ZNF697: variants seen among roughly 807,000 people sequenced by gnomAD.
ZNF697 encodes zinc finger protein 697.
In ZNF697, 23 loss-of-function variants were observed where a neutral mutation model predicts 32.4. The ratio of observed to expected loss-of-function variants is 0.71; its 90% CI spans 0.51 to 1.01. ZNF697 has a LOEUF of 1.01. Ranked by LOEUF, ZNF697 falls within the 50% of genes least tolerant of loss-of-function variation. The pLI, the probability that ZNF697 is intolerant of heterozygous loss-of-function variation, is 0.00. For missense variants in ZNF697, 930 were observed against 794.0 expected (o/e 1.17, Z -2.06); for synonymous variants, 418 against 337.2 (o/e 1.24, Z -2.62).
At chr1:119,647,015 T>C (rs587771894) in intron 1 of ZNF697, among the ~76,000 whole-genome samples, 2 of 137,744 alleles carry the variant, frequency 1.5e-5, no homozygotes, top group African/African-American at 5.4e-5. Flanking sequence ...CAGGGATACA[T>C]CACCAACTTC....
Position 119,623,576 on chromosome 1 carries a change from G to A in ZNF697, c.767C>T (p.Pro256Leu), listed in dbSNP as rs1265558689. Residue 256 changes from proline (P) to leucine (L), a missense_variant, in exon 3 of 3, where the codon CCG (proline) becomes CTG (leucine). Pro to Leu is a moderately conservative substitution (Grantham distance 98). Transcript: ENST00000421812. ...CCCGCAGCGGAAGGGCTTTTCGCGC[G>A]GGGGCCGGGCCAGCGGGGGCCCGGC... is the stretch of plus-strand genomic sequence containing the variant. Reference protein sequence around the residue: ...FGAGPPLARPPREKPFRCGEC... With the variant: ...FGAGPPLARPLREKPFRCGEC... 13 of 1,475,834 alleles carry A rather than the reference G, an allele frequency of 8.8e-6. No individual in the cohort carries two copies. The highest frequency in any genetic ancestry group is 1.1e-5 in the Non-Finnish European group (12 of 1,120,224). 91.4% of individuals were successfully genotyped at this position (1,475,834 alleles called of 1,614,324 possible). A position where few individuals can be genotyped will look rare whatever the true frequency, so the allele number is the denominator to read the frequency against.
chr1:119,646,322 A>AACACACACACACACACAC lies in ZNF697; in HGVS notation c.-38+1351_-38+1368dup, dbSNP rs61339576. 1.0e-3 allele frequency among the ~76,000 whole-genome samples: 140 copies of AACACACACACACACACAC among 136,912 alleles called. 1 individual carries two copies. Among genetic ancestry groups the AACACACACACACACACAC allele is most frequent in the Middle Eastern group, 3.8e-3 (1 of 266 alleles). The allele number at this position is 136,912 out of a possible 152,430, so 89.8% of individuals were successfully genotyped here. A position where few individuals can be genotyped will look rare whatever the true frequency, so the allele number is the denominator to read the frequency against. On this transcript the variant is annotated intron_variant, in intron 1 of 2. Coordinates refer to ENST00000421812, the MANE Select transcript of ZNF697 (RefSeq NM_001080470.2). Reference sequence around the variant, plus strand: ...TCCCTTAACAACAACCCCCACTTCCAACACACACACACACACACACACACA... The same window carrying AACACACACACACACACAC: ...TCCCTTAACAACAACCCCCACTTCCAACACACACACACACACACACACACACACACACACACACACACA...
At chr1:119,624,153 A>G in intron 2 of ZNF697, 37 bp from the exon 3 acceptor site, 1 of 1,516,798 alleles carries the variant, frequency 6.6e-7, no homozygotes, top group Non-Finnish European at 8.8e-7. Flanking sequence ...GGATTACTAT[A>G]CTTGGCATTC....
chr1:119,630,282 T>C (rs1648724449), intron 1 of ZNF697, among the ~76,000 whole-genome samples: 1 of 152,216 alleles, frequency 6.6e-6, no homozygotes, highest in South Asian at 2.1e-4. Context: ...CACAGGTGAG[T>C]TGATCCAGGA....
rs1250007301 is a variant in ZNF697, at chr1:119,621,404, A to G, written c.*1301T>C. The stretch of plus-strand genomic sequence containing the variant: ...TGTGAGAAACAGCTAACAATTATTA[A>G]AAAGCATAAAGCACTTTGCAAATAT... On this transcript the variant is annotated 3_prime_UTR_variant, in exon 3 of 3. Transcript: ENST00000421812. 3.9e-5 allele frequency: 6 copies of G among 152,794 alleles called. No homozygotes were observed. The highest frequency in any genetic ancestry group is 4.1e-4 in the South Asian group (2 of 4,828). The allele number at this position is 152,794 out of a possible 1,614,324, so 9.5% of individuals were successfully genotyped here.
intron 1 of ZNF697, among the ~76,000 whole-genome samples, chr1:119,642,440 G>T (rs377162933): frequency 9.9e-5 from 15 of 151,796 alleles, no homozygotes; most frequent in South Asian, 4.2e-4. Context: ...ATGCTGAGAG[G>T]GGGGGAGGCT....
rs1425229216 is a variant in ZNF697 at position 119,623,266 on chromosome 1, G to A, written c.1077C>T (p.Gly359=). The change falls in exon 3 of 3, where the codon GGC becomes GGT. Residue 359 remains glycine, a synonymous_variant. Coordinates refer to ENST00000421812, the MANE Select transcript of ZNF697 (RefSeq NM_001080470.2). Reference sequence around the variant, plus strand: ...GGTGCGAACGGCGCACGAAGCCCTTGCCGCACTCCCCGCAGGCGAAGGGCC... The same window carrying A: ...GGTGCGAACGGCGCACGAAGCCCTTACCGCACTCCCCGCAGGCGAAGGGCC... The part of the protein sequence containing the change: ...ALRPFACGEC[G]KGFVRRSHLA... The A allele has an allele frequency of 1.3e-6, 2 of 1,531,744 alleles. No individual in the cohort carries two copies. The highest frequency in any genetic ancestry group is 1.2e-5 in the South Asian group (1 of 82,850). The allele number at this position is 1,531,744 out of a possible 1,614,324, so 94.9% of individuals were successfully genotyped here.
chr1:119,623,767 G>T lies in ZNF697; in HGVS notation c.576C>A (p.Pro192=). The T allele has an allele frequency of 6.5e-7, 1 of 1,543,728 alleles. No homozygotes were observed. The highest frequency in any genetic ancestry group is 8.7e-7 in the Non-Finnish European group (1 of 1,146,524). Residue 192 remains proline, a synonymous_variant, in exon 3 of 3, where the codon CCC becomes CCA. Transcript: ENST00000421812. Reference sequence around the variant, plus strand: ...CAGGACTGAAGCTCTCCCCGCAGTCGGGGCAGATGGTGGGCGCGTCCATGA... The same window carrying T: ...CAGGACTGAAGCTCTCCCCGCAGTCTGGGCAGATGGTGGGCGCGTCCATGA... ...ASIMDAPTIC[P]DCGESFSPGA... is the part of the protein sequence containing the mutation.
chr1:119,623,510 T>C lies in ZNF697; in HGVS notation c.833A>G (p.Asn278Ser). 1.3e-6 allele frequency: 2 copies of C among 1,569,440 alleles called. No individual in the cohort carries two copies. The highest frequency in any genetic ancestry group is 3.6e-5 in the Admixed American group (2 of 55,396). ...CTCGCCCGTGTGCAGGCGCAGGTGGTTGGTCAGGTAGGTGTTGCGGCTGAA... is the reference window on the plus strand; with the variant it reads ...CTCGCCCGTGTGCAGGCGCAGGTGGCTGGTCAGGTAGGTGTTGCGGCTGAA... ...KGFSRNTYLT[N>S]HLRLHTGERP... The change falls in exon 3 of 3, where the codon AAC (asparagine) becomes AGC (serine). Residue 278 changes from asparagine (N) to serine (S), a missense_variant. Physicochemically the swap from Asn to Ser is conservative, Grantham distance 46. Coordinates refer to ENST00000421812, the MANE Select transcript of ZNF697 (RefSeq NM_001080470.2).
In ZNF697 at chr1:119,621,700, A is replaced by C. The variant is rs780554781; in HGVS notation, c.*1005T>G. 4 of 152,184 alleles carry C rather than the reference A, an allele frequency of 2.6e-5. No homozygotes were observed. The highest frequency in any genetic ancestry group is 5.9e-5 in the Non-Finnish European group (4 of 68,026). 9.4% of individuals were successfully genotyped at this position (152,184 alleles called of 1,614,324 possible). On this transcript the variant is annotated 3_prime_UTR_variant, in exon 3 of 3. Transcript: ENST00000421812. ...AGTCTCGCATCCCAAAAAAGTGAAC[A>C]CTTTCTTGGATTTCTCACATAAAGG... is the stretch of plus-strand genomic sequence containing the variant.
At chr1:119,625,105 A>T (rs965882092) in intron 2 of ZNF697, among the ~76,000 whole-genome samples, 2 of 151,920 alleles carry the variant, frequency 1.3e-5, no homozygotes, top group Non-Finnish European at 2.9e-5. Flanking sequence ...ATCCCCAAGC[A>T]GAGGGAAGTT....
At chr1:119,637,965 C>CAG (rs140514064) in intron 1 of ZNF697, among the ~76,000 whole-genome samples, 7,259 of 148,124 alleles carry the variant, frequency 0.049, 267 homozygotes, top group African/African-American at 0.097. Context: ...GAGAAAGAGA[C>CAG]AGAGAGAGAG....
rs1648272904 is a variant in ZNF697, at chr1:119,620,382, A to G, written c.*2323T>C. ...CAATGGCAGCAAAAAAGCAAAAAAA[A>G]AGCGGATAATCAATCCATGAATAAT... On this transcript the variant is annotated 3_prime_UTR_variant, in exon 3 of 3. Transcript: ENST00000421812. The G allele has an allele frequency of 6.5e-6, 1 of 152,674 alleles. No homozygotes were observed. The highest frequency in any genetic ancestry group is 1.5e-5 in the Non-Finnish European group (1 of 68,040). 9.5% of individuals were successfully genotyped at this position (152,674 alleles called of 1,614,324 possible).
At chr1:119,636,986 G>A (rs1431429081) in intron 1 of ZNF697, among the ~76,000 whole-genome samples, 1 of 152,104 alleles carries the variant, frequency 6.6e-6, no homozygotes, top group East Asian at 1.9e-4. Context: ...CAGGTTTATG[G>A]CTCCTATCAG....
chr1:119,624,700 T>G lies in ZNF697; in HGVS notation c.227-584A>C, dbSNP rs587723368. 3.9e-5 allele frequency among the ~76,000 whole-genome samples: 6 copies of G among 152,132 alleles called. No homozygotes were observed. The South Asian group carries it at 1.0e-3, about 26-fold the overall frequency. On this transcript the variant is annotated intron_variant, in intron 2 of 2. Transcript: ENST00000421812. ...ACCTCCGCCTCCTGGGTTCAAGCGA[T>G]TCTCCTGTCTCAGCCTCCTGAGTAG...
chr1:119,636,391 C>T (rs1265620688), intron 1 of ZNF697, among the ~76,000 whole-genome samples: 1 of 150,142 alleles, frequency 6.7e-6, no homozygotes, highest in African/African-American at 2.4e-5. Flanking sequence ...ACAAAGGACT[C>T]ATGATACATT....
rs1648381032 is a variant in ZNF697 at position 119,622,751 on chromosome 1, C to T, written c.1592G>A (p.Arg531His). The change falls in exon 3 of 3, where the codon CGC (arginine) becomes CAC (histidine). Residue 531 changes from arginine (R) to histidine (H), a missense_variant. Physicochemically the swap from Arg to His is conservative, Grantham distance 29. Coordinates refer to ENST00000421812, the MANE Select transcript of ZNF697 (RefSeq NM_001080470.2). ...HKCAGCGKGF[R>H]YKTHLAQHQK... ...GTGCTGCGCGAGGTGCGTTTTATAG[C>T]GGAAGCCTTTGCCGCAGCCCGCACA... is the stretch of plus-strand genomic sequence containing the variant. The T allele has an allele frequency of 1.3e-6, 2 of 1,574,782 alleles. No individual in the cohort carries two copies. The highest frequency in any genetic ancestry group is 1.7e-6 in the Non-Finnish European group (2 of 1,160,252).
In ZNF697 at chr1:119,622,043, A is replaced by C. The variant is rs747070309; in HGVS notation, c.*662T>G. On this transcript the variant is annotated 3_prime_UTR_variant, in exon 3 of 3. Coordinates refer to ENST00000421812, the MANE Select transcript of ZNF697 (RefSeq NM_001080470.2). ...GAATCAGGATTTCCCACATCAGAGA[A>C]CCAGTTATAAATGAATTTCTAAACC... The C allele has an allele frequency of 2.0e-5, 3 of 152,642 alleles. No homozygotes were observed. Among genetic ancestry groups the C allele is most frequent in the Non-Finnish European group, 4.4e-5 (3 of 68,054 alleles). The allele number at this position is 152,642 out of a possible 1,614,324, so 9.5% of individuals were successfully genotyped here.
rs765485125 is a variant in ZNF697, at chr1:119,623,521, G to A, written c.822C>T (p.Thr274=). 9 of 1,564,052 alleles carry A rather than the reference G, an allele frequency of 5.8e-6. No homozygotes were observed. The highest frequency in any genetic ancestry group is 7.8e-6 in the Non-Finnish European group (9 of 1,156,732). Residue 274 remains threonine, a synonymous_variant, in exon 3 of 3, where the codon ACC becomes ACT. Transcript: ENST00000421812. The stretch of plus-strand genomic sequence containing the variant: ...GCAGGCGCAGGTGGTTGGTCAGGTA[G>A]GTGTTGCGGCTGAAGCCCTTGCCGC... ...GECGKGFSRN[T]YLTNHLRLHT...
Sources: gnomAD v4.1 joint callset for allele counts (sites outside exome capture counted in the v4.1 genomes callset) on GRCh38, gnomAD v4.1.1 for gene constraint, MANE v1.5 for transcripts, NCBI Gene and HGNC (gene_info 2026-07-23, HGNC 2026-07-21) for gene names.